Variants in CAMK2D observed in about 807,000 individuals in gnomAD.
The protein encoded by CAMK2D is calcium/calmodulin dependent protein kinase II delta.
A neutral mutation model predicts 84.0 loss-of-function variants in CAMK2D; 37 were observed. That is an observed-to-expected ratio of 0.44 (90% confidence interval 0.34 to 0.58). The LOEUF (loss-of-function observed/expected upper bound fraction) is 0.58. CAMK2D is among the 20% of genes least tolerant of loss of function. The pLI, the probability that CAMK2D is intolerant of heterozygous loss-of-function variation, is 0.02. For synonymous variants in CAMK2D, 202 were observed against 212.5 expected (o/e 0.95, Z 0.43); for missense variants, 448 against 652.5 (o/e 0.69, Z 3.41).
chr4:113,737,222 T>C (rs2148869252), intron 2 of CAMK2D, among the ~76,000 whole-genome samples: 1 of 152,210 alleles, frequency 6.6e-6, no homozygotes, highest in East Asian at 1.9e-4. Context: ...TGTTAACAAA[T>C]GCCAAAAGAT....
chr4:113,533,267 A>G (rs1409136959), intron 7 of CAMK2D, among the ~76,000 whole-genome samples: 1 of 152,176 alleles, frequency 6.6e-6, no homozygotes, highest in African/African-American at 2.4e-5. Flanking sequence ...TCCTTACCCC[A>G]AGAATATTGA....
At chr4:113,675,733 T>G (rs2099315713) in intron 2 of CAMK2D, among the ~76,000 whole-genome samples, 1 of 152,068 alleles carries the variant, frequency 6.6e-6, no homozygotes, top group Admixed American at 6.5e-5. Context: ...CCATGTAAAG[T>G]TCATAAAATT....
chr4:113,654,121 T>A (rs540670108), intron 3 of CAMK2D, among the ~76,000 whole-genome samples: 1 of 152,088 alleles, frequency 6.6e-6, no homozygotes, highest in Admixed American at 6.6e-5. Flanking sequence ...AGATTGTGTG[T>A]TTTTCATCTC....
At chr4:113,495,012 G>T (rs552853810) in intron 16 of CAMK2D, among the ~76,000 whole-genome samples, 1 of 152,094 alleles carries the variant, frequency 6.6e-6, no homozygotes, top group Admixed American at 6.5e-5. Context: ...CGCACGGTGC[G>T]CGCACCCACT....
intron 5 of CAMK2D, 78 bp from the exon 6 acceptor site, chr4:113,547,794 TAA>T: frequency 1.1e-6 from 1 of 879,750 alleles, no homozygotes; most frequent in Admixed American, 2.5e-5. Flanking sequence ...GAGACTGGGT[TAA>T]AGTGCAGAGC....
intron 2 of CAMK2D, among the ~76,000 whole-genome samples, chr4:113,706,150 T>C (rs150807418): frequency 4.5e-4 from 68 of 152,336 alleles, no homozygotes; most frequent in African/African-American, 1.3e-3. Flanking sequence ...GTAGGACTTA[T>C]GGAGAAAAGC....
chr4:113,490,066 C>G (rs1218938162), intron 16 of CAMK2D, among the ~76,000 whole-genome samples: 3 of 151,644 alleles, frequency 2.0e-5, no homozygotes, highest in South Asian at 4.2e-4. Flanking sequence ...GAGAAGGTTG[C>G]GAAAATTTTC....
intron 16 of CAMK2D, among the ~76,000 whole-genome samples, chr4:113,494,996 G>A (rs960164851): frequency 3.3e-5 from 5 of 152,132 alleles, no homozygotes; most frequent in African/African-American, 4.8e-5. Flanking sequence ...GCCCTGCTTC[G>A]GCTCACGCAC....
chr4:113,593,506 C>A (rs1478308151), intron 4 of CAMK2D, among the ~76,000 whole-genome samples: 1 of 152,154 alleles, frequency 6.6e-6, no homozygotes, highest in East Asian at 1.9e-4. Context: ...TTAGGGGGAC[C>A]TAATCTTAAG....
intron 16 of CAMK2D, among the ~76,000 whole-genome samples, chr4:113,487,166 T>C (rs2097773976): frequency 6.6e-6 from 1 of 152,182 alleles, no homozygotes; most frequent in South Asian, 2.1e-4. Flanking sequence ...TCATCTATCA[T>C]ATTAGCTTGA....
intron 3 of CAMK2D, among the ~76,000 whole-genome samples, chr4:113,619,475 C>G (rs1163027476): frequency 1.3e-5 from 2 of 152,126 alleles, no homozygotes; most frequent in Non-Finnish European, 2.9e-5. Flanking sequence ...CCTAAAAGGT[C>G]CCTCGCTCCA....
intron 3 of CAMK2D, among the ~76,000 whole-genome samples, chr4:113,640,853 T>C (rs1184181458): frequency 6.6e-6 from 1 of 152,234 alleles, no homozygotes; most frequent in Non-Finnish European, 1.5e-5. Flanking sequence ...GAAGGATAAT[T>C]ACCTGGCATC....
chr4:113,595,233 T>C (rs2098918921), intron 4 of CAMK2D, among the ~76,000 whole-genome samples: 1 of 152,132 alleles, frequency 6.6e-6, no homozygotes, highest in East Asian at 1.9e-4. Flanking sequence ...AAAGAAACTG[T>C]AGACCTGTCT....
intron 3 of CAMK2D, among the ~76,000 whole-genome samples, chr4:113,636,126 T>A (rs574430158): frequency 6.6e-6 from 1 of 152,238 alleles, no homozygotes; most frequent in East Asian, 1.9e-4. Context: ...CGGTAACAAA[T>A]CCTTTCATCT....
rs1217101229 is a variant in CAMK2D at position 113,451,970 on chromosome 4, A to T, written c.*2575T>A. 1 of 152,102 alleles carries T rather than the reference A, an allele frequency of 6.6e-6. No individual in the cohort carries two copies. Among genetic ancestry groups the T allele is most frequent in the East Asian group, 1.9e-4 (1 of 5,186 alleles). 9.4% of individuals were successfully genotyped at this position (152,102 alleles called of 1,614,324 possible). Reference sequence around the variant, plus strand: ...TAGGTAAGAAACATAAACAACATGAACAGCATAAACAGGCATGTGAGCAAG... The same window carrying T: ...TAGGTAAGAAACATAAACAACATGATCAGCATAAACAGGCATGTGAGCAAG... On this transcript the variant is annotated 3_prime_UTR_variant, in exon 21 of 21. Coordinates refer to ENST00000511664, the MANE Select transcript of CAMK2D (RefSeq NM_001321571.2).
chr4:113,696,171 G>A (rs1433252422), intron 2 of CAMK2D, among the ~76,000 whole-genome samples: 2 of 135,298 alleles, frequency 1.5e-5, no homozygotes, highest in East Asian at 4.4e-4. Flanking sequence ...CACACCACTT[G>A]ACAGACAGAC....
intron 16 of CAMK2D, among the ~76,000 whole-genome samples, chr4:113,471,164 C>T (rs1198491316): frequency 6.6e-6 from 1 of 152,174 alleles, no homozygotes; most frequent in African/African-American, 2.4e-5. Flanking sequence ...GCCAGTCTCC[C>T]AGCTCAAAAC....
intron 4 of CAMK2D, among the ~76,000 whole-genome samples, chr4:113,601,767 C>T (rs2098954329): frequency 7.3e-6 from 1 of 137,696 alleles, no homozygotes; most frequent in African/African-American, 2.8e-5. Context: ...GTGATCACAG[C>T]TCACTGCAGC....
chr4:113,760,285 G>A (rs1335813526), intron 1 of CAMK2D, among the ~76,000 whole-genome samples: 2 of 152,146 alleles, frequency 1.3e-5, no homozygotes. Flanking sequence ...CTACGCTTAA[G>A]AGCGCTCTCA....
Sources: allele counts gnomAD v4.1 joint callset (sites outside exome capture counted in the v4.1 genomes callset), GRCh38; gene constraint gnomAD v4.1.1; transcripts MANE v1.5; gene names NCBI Gene and HGNC (gene_info 2026-07-23, HGNC 2026-07-21).